The following EPS8 variants were observed in gnomAD, a reference collection of about 807,000 sequenced individuals.
The protein encoded by EPS8 is EGFR pathway substrate 8, signaling adaptor.
Under a neutral mutation model 103.8 loss-of-function variants are expected in EPS8, and 42 were observed. The observed-to-expected ratio is 0.40, with a 90% CI of 0.32 to 0.52. The LOEUF (loss-of-function observed/expected upper bound fraction) is 0.52, where lower values mean the gene tolerates loss of function less well. Among genes scored for constraint, EPS8 ranks in the 20% least tolerant of loss-of-function variants. The pLI, the probability that EPS8 is intolerant of heterozygous loss-of-function variation, is 0.40. For missense variants in EPS8, 969 were observed against 1,005.1 expected (o/e 0.96, Z 0.49); for synonymous variants, 344 against 344.6 (o/e 1.00, Z 0.02).
In EPS8 at chr12:15,620,518, C is replaced by G. The variant is rs1334780910; in HGVS notation, c.*799G>C. The G allele has an allele frequency of 6.6e-6, 1 of 152,584 alleles. No individual in the cohort carries two copies. Among genetic ancestry groups the G allele is most frequent in the African/African-American group, 2.4e-5 (1 of 41,440 alleles). 9.5% of individuals were successfully genotyped at this position (152,584 alleles called of 1,614,324 possible). ...TAACTACTCATATCAACATTCAGAA[C>G]TGAGGCTTTCATTAAGCAAAATACT... On this transcript the variant is annotated 3_prime_UTR_variant, in exon 21 of 21. Coordinates refer to ENST00000281172, the MANE Select transcript of EPS8 (RefSeq NM_004447.6).
Position 15,764,144 on chromosome 12 carries a change from T to C in EPS8, c.-22+25017A>G, listed in dbSNP as rs1041617528. On this transcript the variant is annotated intron_variant, in intron 1 of 20. Transcript: ENST00000281172. The surrounding 1 kb of genome is among the most constrained non-coding windows in gnomAD (Gnocchi z 4.1). Reference sequence around the variant, plus strand: ...AGGAGGAGCAAAGTAACATCTTACATGGTAGCAGGCAAGAGAGCATATGCA... The same window carrying C: ...AGGAGGAGCAAAGTAACATCTTACACGGTAGCAGGCAAGAGAGCATATGCA... Among the ~76,000 whole-genome samples, 2 of 152,152 alleles carry C rather than the reference T, an allele frequency of 1.3e-5. No homozygotes were observed. The highest frequency in any genetic ancestry group is 2.9e-5 in the Non-Finnish European group (2 of 68,028).
rs1372429264 is a variant in EPS8, at chr12:15,640,826, T to C, written c.1698A>G (p.Gln566=). 2.5e-6 allele frequency: 4 copies of C among 1,613,820 alleles called. No homozygotes were observed. Among genetic ancestry groups the C allele is most frequent in the Non-Finnish European group, 3.4e-6 (4 of 1,179,866 alleles). ...DILEILDDRK[Q]WWKVRNASGD... ...CACTTGCATTTCGAACTTTCCACCA[T>C]TGCTTCCGATCATCAAGTATCTGTC... Residue 566 remains glutamine (Q), a synonymous_variant, in exon 17 of 21, where the codon CAA becomes CAG. Coordinates refer to ENST00000281172, the MANE Select transcript of EPS8 (RefSeq NM_004447.6).
At chr12:15,646,098 T>C (rs964752775) in intron 15 of EPS8, among the ~76,000 whole-genome samples, 4 of 152,128 alleles carry the variant, frequency 2.6e-5, no homozygotes, top group Non-Finnish European at 1.5e-5. Context: ...AAATTAATTA[T>C]GTAATTAAAA....
Position 15,631,475 on chromosome 12 carries a change from C to A in EPS8, c.2011G>T (p.Asp671Tyr), listed in dbSNP as rs778703973. The change falls in exon 18 of 21, where the codon GAC becomes TAC. Residue 671 changes from aspartate to tyrosine, a missense_variant. By Grantham distance (160) the Asp-to-Tyr change is radical. Transcript: ENST00000281172. ...GGAAGTTGTTTGTGTCTCTGGCTGT[C>A]TCGCACGATACTGCCACCACTGTCA... Reference protein sequence around the residue: ...SSDSGGSIVRDSQRHKQLPVD... With the variant: ...SSDSGGSIVRYSQRHKQLPVD... 6.2e-7 allele frequency: 1 copy of A among 1,614,024 alleles called. No individual in the cohort carries two copies. The highest frequency in any genetic ancestry group is 1.1e-5 in the South Asian group (1 of 91,082).
chr12:15,682,944 C>T lies in EPS8; in HGVS notation c.8G>A (p.Gly3Asp), dbSNP rs747850644. 13 of 1,581,042 alleles carry T rather than the reference C, an allele frequency of 8.2e-6. No homozygotes were observed. In the Admixed American group the frequency reaches 2.2e-4, roughly 26 times the overall value. Residue 3 changes from glycine to aspartate, a missense_variant, in exon 2 of 21, where the codon GGT becomes GAT. Gly to Asp is a moderately conservative substitution (Grantham distance 94). Coordinates refer to ENST00000281172, the MANE Select transcript of EPS8 (RefSeq NM_004447.6). MN[G>D]HISNHPSSFG... ...ACTACTGGGATGATTAGAAATATGA[C>T]CATTCATTGTGTCTTTCACTTGTGT...
chr12:15,679,324 A>G (rs982561038), intron 3 of EPS8, among the ~76,000 whole-genome samples: 1 of 152,162 alleles, frequency 6.6e-6, no homozygotes, highest in African/African-American at 2.4e-5. Flanking sequence ...ATTCTTCCCA[A>G]TGTGGTCTAC....
At chr12:15,741,576 C>CA (rs1285304199) in intron 1 of EPS8, among the ~76,000 whole-genome samples, 5 of 152,122 alleles carry the variant, frequency 3.3e-5, no homozygotes, top group Admixed American at 2.6e-4. Flanking sequence ...GTGAGGGCAA[C>CA]AAAAATACTA....
At chr12:15,649,961 G>C (rs544261080) in intron 14 of EPS8, among the ~76,000 whole-genome samples, 1 of 152,106 alleles carries the variant, frequency 6.6e-6, no homozygotes, top group Non-Finnish European at 1.5e-5. Flanking sequence ...CTTCAAACTA[G>C]ATCTCATTCA....
Position 15,780,350 on chromosome 12 carries a change from GGAGA to G in EPS8, c.-22+8807_-22+8810del, listed in dbSNP as rs111268290. ...GTCAAACATGCTCATCTTTCTACCT[GGAGA>G]GAGATGAGCGTCTCGCTTTGCCTCA... On this transcript the variant is annotated intron_variant, in intron 1 of 20. Transcript: ENST00000281172. The surrounding 1 kb of genome is among the most constrained non-coding windows in gnomAD (Gnocchi z 4.1). Among the ~76,000 whole-genome samples, 2,234 of 151,954 alleles carry G rather than the reference GGAGA, an allele frequency of 0.015. 63 individuals are homozygous for G. The highest frequency in any genetic ancestry group is 0.051 in the African/African-American group (2,120 of 41,428).
rs939683025 is a variant in EPS8, at chr12:15,734,178, C to G, written c.-21-51206G>C. 6.6e-6 allele frequency among the ~76,000 whole-genome samples: 1 copy of G among 152,060 alleles called. No homozygotes were observed. Among genetic ancestry groups the G allele is most frequent in the Non-Finnish European group, 1.5e-5 (1 of 68,002 alleles). On this transcript the variant is annotated intron_variant, in intron 1 of 20. Coordinates refer to ENST00000281172, the MANE Select transcript of EPS8 (RefSeq NM_004447.6). This position sits in a 1 kb window ranked among gnomAD's most constrained non-coding sequence, Gnocchi z 4.1. ...TTTAATAACCTATAGATTAACAATG[C>G]CTTCAAAAATTTTCAAGTGATGTGT...
rs753365290 is a variant in EPS8 at position 15,658,616 on chromosome 12, A to G, written c.938-31T>C. ...GAAATAAGCGAGAGGAGAGGATCAG[A>G]GCAAAATCCAAGGAAATTTATTAAA... On this transcript the variant is annotated intron_variant, in intron 10 of 20. Coordinates refer to ENST00000281172, the MANE Select transcript of EPS8 (RefSeq NM_004447.6). 11 of 1,412,852 alleles carry G rather than the reference A, an allele frequency of 7.8e-6. No homozygotes were observed. The East Asian group carries it at 2.5e-4, about 32-fold the overall frequency. The allele number at this position is 1,412,852 out of a possible 1,614,324, so 87.5% of individuals were successfully genotyped here.
At position 15,771,445 on chromosome 12, in the gene EPS8, A is replaced by G. The variant is rs566547570; in HGVS notation, c.-22+17716T>C. On this transcript the variant is annotated intron_variant, in intron 1 of 20. Transcript: ENST00000281172. This position sits in a 1 kb window ranked among gnomAD's most constrained non-coding sequence, Gnocchi z 4.6. ...GACTGATCTGAAAGTAGTAATTAAC[A>G]TGAATTGAAGTAGGACAGAGGCAGA... Among the ~76,000 whole-genome samples, 7 of 152,326 alleles carry G rather than the reference A, an allele frequency of 4.6e-5. No individual in the cohort carries two copies. The East Asian group carries it at 1.4e-3, about 29-fold the overall frequency.
rs1323769607 is a variant in EPS8 at position 15,696,667 on chromosome 12, A to G, written c.-21-13695T>C. On this transcript the variant is annotated intron_variant, in intron 1 of 20. Coordinates refer to ENST00000281172, the MANE Select transcript of EPS8 (RefSeq NM_004447.6). The surrounding 1 kb of genome is among the most constrained non-coding windows in gnomAD (Gnocchi z 4.8). ...ATAAAAAAACAAAAACATGGACTTG[A>G]TGAATCAGAAGGTCAGAGAAAAACA... Among the ~76,000 whole-genome samples, 2 of 152,080 alleles carry G rather than the reference A, an allele frequency of 1.3e-5. No individual in the cohort carries two copies. The highest frequency in any genetic ancestry group is 1.3e-4 in the Admixed American group (2 of 15,262).
chr12:15,633,023 AAGG>A (rs1451919389), intron 17 of EPS8, among the ~76,000 whole-genome samples: 1 of 152,116 alleles, frequency 6.6e-6, no homozygotes, highest in Non-Finnish European at 1.5e-5. Flanking sequence ...GAAGGAGGGC[AAGG>A]AGGAGAGAGG....
Position 15,631,614 on chromosome 12 carries a change from T to C in EPS8, c.1872A>G (p.Pro624=), listed in dbSNP as rs754907864. ...CAGGAGCTGGTGTTGGAGGAGGTGATGGAGCAGGGGGAGTATCAGCTGGTC... is the reference window on the plus strand; with the variant it reads ...CAGGAGCTGGTGTTGGAGGAGGTGACGGAGCAGGGGGAGTATCAGCTGGTC... ...GPRPADTPPA[P]SPPPTPAPVP... The change falls in exon 18 of 21, where the codon CCA becomes CCG. Residue 624 remains proline, a synonymous_variant. Transcript: ENST00000281172. The C allele has an allele frequency of 1.5e-5, 25 of 1,613,976 alleles. No individual in the cohort carries two copies. The highest frequency in any genetic ancestry group is 2.0e-5 in the Non-Finnish European group (24 of 1,179,958).
chr12:15,667,840 G>A (rs1945743233), intron 6 of EPS8, among the ~76,000 whole-genome samples: 1 of 152,020 alleles, frequency 6.6e-6, no homozygotes, highest in African/African-American at 2.4e-5. Flanking sequence ...TGAGCTTTTG[G>A]GGTTAGGACA....
chr12:15,709,825 A>C (rs746267613), intron 1 of EPS8, among the ~76,000 whole-genome samples: 1 of 152,238 alleles, frequency 6.6e-6, no homozygotes, highest in Non-Finnish European at 1.5e-5. Context: ...TTTCCAAGGC[A>C]GGAGTAGGCG....
chr12:15,624,293 T>C lies in EPS8; in HGVS notation c.2159A>G (p.Asn720Ser). 8 of 1,613,950 alleles carry C rather than the reference T, an allele frequency of 5.0e-6. No homozygotes were observed. Among genetic ancestry groups the C allele is most frequent in the Non-Finnish European group, 6.8e-6 (8 of 1,179,906 alleles). ...CTCTGGTGTGGAGTCGTAAGTGATA[T>C]TGATAACTGGCACGTTCTGCCGTGG... Reference protein sequence around the residue: ...HVPRQNVPVINITYDSTPEDV... With the variant: ...HVPRQNVPVISITYDSTPEDV... Residue 720 changes from asparagine (N) to serine (S), a missense_variant, in exon 19 of 21, where the codon AAT becomes AGT. Asn to Ser is a conservative substitution (Grantham distance 46, BLOSUM62 1). Coordinates refer to ENST00000281172, the MANE Select transcript of EPS8 (RefSeq NM_004447.6).
At chr12:15,729,476 A>G (rs1415270061) in intron 1 of EPS8, among the ~76,000 whole-genome samples, 5 of 151,842 alleles carry the variant, frequency 3.3e-5, no homozygotes, top group Non-Finnish European at 7.4e-5. Context: ...TCGGTTAGGG[A>G]AGTTTCTATT....
Sources: gnomAD v4.1 joint callset for allele counts (sites outside exome capture counted in the v4.1 genomes callset) on GRCh38, gnomAD v4.1.1 for gene constraint, Gnocchi (gnomAD v3.1) non-coding constraint, MANE v1.5 for transcripts, NCBI Gene and HGNC (gene_info 2026-07-23, HGNC 2026-07-21) for gene names.